The following SSBP2 variants were observed in gnomAD, a reference collection of about 807,000 sequenced individuals.
The protein encoded by SSBP2 is single-stranded DNA-binding protein 2.
SSBP2 carries 17 observed loss-of-function variants against 61.8 expected under a neutral mutation model. The ratio of observed to expected loss-of-function variants is 0.28; its 90% CI spans 0.19 to 0.41. The LOEUF (loss-of-function observed/expected upper bound fraction) is 0.41. SSBP2 is among the 10% of genes least tolerant of loss of function. The probability of loss-of-function intolerance (pLI) is 1.00; values close to 1 mark genes in which losing one functional copy is unlikely to be tolerated. For synonymous variants in SSBP2, 139 were observed against 141.3 expected (o/e 0.98, Z 0.12); for missense variants, 310 against 458.7 (o/e 0.68, Z 2.96).
At chr5:81,489,855 T>C (rs1051751055) in intron 5 of SSBP2, among the ~76,000 whole-genome samples, 1 of 152,118 alleles carries the variant, frequency 6.6e-6, no homozygotes, top group Non-Finnish European at 1.5e-5. Flanking sequence ...GGGTTTCTTA[T>C]AGTTCAAAAC....
intron 4 of SSBP2, among the ~76,000 whole-genome samples, chr5:81,547,967 T>C (rs1771867903): frequency 6.6e-6 from 1 of 152,190 alleles, no homozygotes; most frequent in Non-Finnish European, 1.5e-5. Context: ...AACTATTCTG[T>C]ATGTTACTGT....
chr5:81,655,806 C>T (rs1307891453), intron 1 of SSBP2, among the ~76,000 whole-genome samples: 1 of 152,172 alleles, frequency 6.6e-6, no homozygotes, highest in Non-Finnish European at 1.5e-5. Flanking sequence ...CTGGAAACAT[C>T]AACCAACATT....
At chr5:81,723,630 A>G (rs1755687542) in intron 1 of SSBP2, among the ~76,000 whole-genome samples, 1 of 152,016 alleles carries the variant, frequency 6.6e-6, no homozygotes, top group Non-Finnish European at 1.5e-5. Flanking sequence ...GCCTCTTTAA[A>G]CAAAACATCA....
intron 1 of SSBP2, among the ~76,000 whole-genome samples, chr5:81,700,222 T>A (rs1276437358): frequency 1.3e-5 from 2 of 152,156 alleles, no homozygotes; most frequent in Non-Finnish European, 2.9e-5. Flanking sequence ...GGATGTTGTA[T>A]TAGTAGGCAG....
chr5:81,667,606 G>C (rs1026868619), intron 1 of SSBP2, among the ~76,000 whole-genome samples: 2 of 151,934 alleles, frequency 1.3e-5, no homozygotes, highest in Non-Finnish European at 2.9e-5. Flanking sequence ...TGGCTAGAAA[G>C]TAGCTTAAAG....
intron 1 of SSBP2, among the ~76,000 whole-genome samples, chr5:81,748,889 T>C (rs1757523380): frequency 6.6e-6 from 1 of 152,000 alleles, no homozygotes; most frequent in Non-Finnish European, 1.5e-5. Flanking sequence ...CTTGTTATTA[T>C]CTGAGAAACT....
chr5:81,718,105 C>G (rs978780498), intron 1 of SSBP2, among the ~76,000 whole-genome samples: 1 of 152,028 alleles, frequency 6.6e-6, no homozygotes, highest in Non-Finnish European at 1.5e-5. Flanking sequence ...GACCTTAATA[C>G]CCACCCAGAC....
Position 81,489,324 on chromosome 5 carries a change from C to A in SSBP2, c.373-15G>T. The A allele has an allele frequency of 1.3e-6, 2 of 1,592,188 alleles. No homozygotes were observed. The stretch of plus-strand genomic sequence containing the variant: ...GACATAAAAGGCTATTGAAGTAAAA[C>A]AAATAAACAAACAAAACAAAAAACA... On this transcript the variant is annotated splice_polypyrimidine_tract_variant and intron_variant, in intron 5 of 16. Transcript: ENST00000320672.
At chr5:81,606,094 G>A (rs573490662) in intron 4 of SSBP2, among the ~76,000 whole-genome samples, 8 of 152,238 alleles carry the variant, frequency 5.3e-5, no homozygotes, top group Admixed American at 3.9e-4. Flanking sequence ...TTTGATCCAG[G>A]AAAATCTAGG....
chr5:81,581,519 TA>T (rs1001348458), intron 4 of SSBP2, among the ~76,000 whole-genome samples: 2 of 152,220 alleles, frequency 1.3e-5, no homozygotes, highest in African/African-American at 4.8e-5. Context: ...TTCAACCTTT[TA>T]AAAACAGTAG....
intron 14 of SSBP2, among the ~76,000 whole-genome samples, chr5:81,438,500 A>G (rs1580683800): frequency 6.6e-6 from 1 of 152,340 alleles, no homozygotes; most frequent in African/African-American, 2.4e-5. Flanking sequence ...GTAGCATAGC[A>G]TTCAGTCAAC....
At chr5:81,502,048 ACTGC>A (rs760215903) in intron 5 of SSBP2, among the ~76,000 whole-genome samples, 1 of 151,816 alleles carries the variant, frequency 6.6e-6, no homozygotes, top group African/African-American at 2.4e-5. Context: ...CCCTCCACCT[ACTGC>A]CTCATTTTTC....
At chr5:81,714,706 A>C (rs989527044) in intron 1 of SSBP2, among the ~76,000 whole-genome samples, 1 of 152,198 alleles carries the variant, frequency 6.6e-6, no homozygotes, top group Non-Finnish European at 1.5e-5. Context: ...TCTTTTGAGA[A>C]GTGTCTGTTC....
upstream of SSBP2, chr5:81,751,180 G>A: frequency 2.2e-6 from 2 of 909,670 alleles, no homozygotes; most frequent in Non-Finnish European, 3.4e-6. Context: ...CGCCCCCTTC[G>A]CCCAGGCAAC....
intron 1 of SSBP2, among the ~76,000 whole-genome samples, chr5:81,739,546 C>G (rs1020856903): frequency 6.6e-6 from 1 of 152,132 alleles, no homozygotes; most frequent in Non-Finnish European, 1.5e-5. Flanking sequence ...GATAGTGAGG[C>G]CCCTCTGAAT....
chr5:81,669,845 C>G (rs1751459425), intron 1 of SSBP2, among the ~76,000 whole-genome samples: 1 of 151,756 alleles, frequency 6.6e-6, no homozygotes, highest in Admixed American at 6.6e-5. Flanking sequence ...AAGAAATGAG[C>G]TATCAAGGTA....
chr5:81,592,000 T>A (rs1417956203), intron 4 of SSBP2, among the ~76,000 whole-genome samples: 1 of 152,180 alleles, frequency 6.6e-6, no homozygotes, highest in Admixed American at 6.5e-5. Flanking sequence ...GGACAGTGGG[T>A]GCAGCGCACT....
At chr5:81,530,866 T>C (rs1770337897) in intron 4 of SSBP2, among the ~76,000 whole-genome samples, 1 of 151,872 alleles carries the variant, frequency 6.6e-6, no homozygotes, top group Non-Finnish European at 1.5e-5. Context: ...TTGCAAAAAG[T>C]AGGTATTCAA....
intron 14 of SSBP2, among the ~76,000 whole-genome samples, chr5:81,438,259 G>C (rs1427685818): frequency 1.3e-5 from 2 of 150,926 alleles, no homozygotes; most frequent in African/African-American, 4.9e-5. Flanking sequence ...GCTGAGGCGG[G>C]AAATTCACTT....
Sources: allele counts gnomAD v4.1 joint callset (sites outside exome capture counted in the v4.1 genomes callset), GRCh38; gene constraint gnomAD v4.1.1; transcripts MANE v1.5; gene names NCBI Gene and HGNC (gene_info 2026-07-23, HGNC 2026-07-21).